Variants in NIBAN1 observed in about 807,000 individuals in gnomAD.
The protein encoded by NIBAN1 is niban apoptosis regulator 1.
In NIBAN1, 81 loss-of-function variants were observed where a neutral mutation model predicts 75.1. That is an observed-to-expected ratio of 1.08 (90% confidence interval 0.90 to 1.30). The LOEUF is 1.30. NIBAN1 is among the 50% of genes most tolerant of loss of function. NIBAN1 has a pLI of 0.00. For synonymous variants in NIBAN1, 436 were observed against 424.8 expected, an observed-to-expected ratio of 1.03 and a Z score of -0.32; for missense variants, 1,133 against 1,128.1, an observed-to-expected ratio of 1.00 and a Z score of -0.06.
At chr1:184,899,779 G>C (rs1407597608) in intron 1 of NIBAN1, among the ~76,000 whole-genome samples, 1 of 145,642 alleles carries the variant, frequency 6.9e-6, no homozygotes, top group Non-Finnish European at 1.5e-5. Context: ...CCAGGTCTAT[G>C]CCTTCAATTC....
chr1:184,817,878 A>G (rs761706589), intron 9 of NIBAN1, among the ~76,000 whole-genome samples: 17 of 152,288 alleles, frequency 1.1e-4, no homozygotes, highest in Non-Finnish European at 2.2e-4. Flanking sequence ...CCCAGCGGCC[A>G]TACTTCAACC....
At chr1:184,935,985 C>T (rs1306799260) in intron 1 of NIBAN1, among the ~76,000 whole-genome samples, 1 of 142,566 alleles carries the variant, frequency 7.0e-6, no homozygotes, top group Non-Finnish European at 1.5e-5. Context: ...TGACGAACCA[C>T]AGCTATATCT....
intron 1 of NIBAN1, among the ~76,000 whole-genome samples, chr1:184,912,364 C>T (rs533833771): frequency 5.8e-4 from 89 of 152,232 alleles, no homozygotes; most frequent in African/African-American, 1.9e-3. Context: ...TTCTCTACTG[C>T]GTGTGTTAAG....
rs191144309 is a variant in NIBAN1 at position 184,961,158 on chromosome 1, T to C, written c.55+13144A>G. Reference sequence around the variant, plus strand: ...ATCTCGGCTCACTGCAAGCTCCGCCTCCTGGGTTCACGCCATTCTCCTGCT... The same window carrying C: ...ATCTCGGCTCACTGCAAGCTCCGCCCCCTGGGTTCACGCCATTCTCCTGCT... On this transcript the variant is annotated intron_variant, in intron 1 of 13. Transcript: ENST00000367511. Among the ~76,000 whole-genome samples, 14 of 134,074 alleles carry C rather than the reference T, an allele frequency of 1.0e-4. No homozygotes were observed. The East Asian group carries it at 3.6e-3, about 35-fold the overall frequency. The allele number at this position is 134,074 out of a possible 152,430, so 88.0% of individuals were successfully genotyped here.
chr1:184,843,608 C>A (rs1655355819), intron 5 of NIBAN1, among the ~76,000 whole-genome samples: 1 of 152,194 alleles, frequency 6.6e-6, no homozygotes. Flanking sequence ...GCCAAGAGAA[C>A]AATGACACAA....
chr1:184,961,285 G>A (rs1003253182), intron 1 of NIBAN1, among the ~76,000 whole-genome samples: 3 of 151,070 alleles, frequency 2.0e-5, no homozygotes, highest in Non-Finnish European at 4.4e-5. Flanking sequence ...TAGCCAGGAT[G>A]GTCTGGGTCT....
At chr1:184,808,850 G>T (rs919777806) in intron 9 of NIBAN1, among the ~76,000 whole-genome samples, 9 of 152,174 alleles carry the variant, frequency 5.9e-5, no homozygotes, top group African/African-American at 2.2e-4. Context: ...ACTCTAGTTT[G>T]CACTCAGTCA....
chr1:184,855,218 A>G (rs569393361), intron 5 of NIBAN1, among the ~76,000 whole-genome samples: 1 of 152,312 alleles, frequency 6.6e-6, no homozygotes, highest in African/African-American at 2.4e-5. Context: ...CATATAAAAT[A>G]TTCCAGACCA....
At chr1:184,823,069 G>C in intron 8 of NIBAN1, 98 bp downstream of exon 8, 1 of 1,403,716 alleles carries the variant, frequency 7.1e-7, no homozygotes, top group Admixed American at 2.0e-5. Flanking sequence ...AATTTCTTAA[G>C]TGTAATTATC....
In NIBAN1 at chr1:184,870,170, G is replaced by A. The variant is rs116469580; in HGVS notation, c.601+14463C>T. Among the ~76,000 whole-genome samples, 846 of 152,290 alleles carry A rather than the reference G, an allele frequency of 5.6e-3. 8 individuals are homozygous for A. The highest frequency in any genetic ancestry group is 0.017 in the Middle Eastern group (5 of 294). Reference sequence around the variant, plus strand: ...ACCAAGTCATTCAGAAGCAGTGGTTGATAGATTACAATATGCTAAAAGTTT... The same window carrying A: ...ACCAAGTCATTCAGAAGCAGTGGTTAATAGATTACAATATGCTAAAAGTTT... On this transcript the variant is annotated intron_variant, in intron 5 of 13. Transcript: ENST00000367511.
At position 184,794,730 on chromosome 1, in the gene NIBAN1, C is replaced by T. The variant is rs1161446393; in HGVS notation, c.*247G>A. 3.0e-5 allele frequency: 17 copies of T among 569,044 alleles called. No homozygotes were observed. The East Asian group carries it at 4.4e-4, about 15-fold the overall frequency. The allele number at this position is 569,044 out of a possible 1,614,324, so 35.2% of individuals were successfully genotyped here. ...CTCAGACATCCTCAGCTCCCTCTCA[C>T]CCCAAGTATGCCATTGTCTTTGTAA... is the stretch of plus-strand genomic sequence containing the variant. On this transcript the variant is annotated 3_prime_UTR_variant, in exon 14 of 14. Coordinates refer to ENST00000367511, the MANE Select transcript of NIBAN1 (RefSeq NM_052966.4).
At chr1:184,914,622 T>A (rs189320892) in intron 1 of NIBAN1, among the ~76,000 whole-genome samples, 272 of 152,306 alleles carry the variant, frequency 1.8e-3, no homozygotes, top group African/African-American at 6.3e-3. Context: ...CATGATGCTA[T>A]GGGATACATA....
At chr1:184,922,781 A>G (rs1657592429) in intron 1 of NIBAN1, among the ~76,000 whole-genome samples, 1 of 151,996 alleles carries the variant, frequency 6.6e-6, no homozygotes, top group Non-Finnish European at 1.5e-5. Flanking sequence ...TGATTTTTGT[A>G]TTTTTAGTAG....
intron 5 of NIBAN1, among the ~76,000 whole-genome samples, chr1:184,839,545 C>CTGTGTG (rs113049406): frequency 0.024 from 3,597 of 148,698 alleles, 60 homozygotes; most frequent in Non-Finnish European, 0.035. Context: ...ACATGCATTC[C>CTGTGTG]TGTGTGTGTG....
chr1:184,922,589 TG>T lies in NIBAN1; in HGVS notation c.56-23281del, dbSNP rs745972833. 7.9e-5 allele frequency among the ~76,000 whole-genome samples: 12 copies of T among 152,224 alleles called. No homozygotes were observed. In the East Asian group the frequency reaches 1.9e-3, roughly 24 times the overall value. On this transcript the variant is annotated intron_variant, in intron 1 of 13. Coordinates refer to ENST00000367511, the MANE Select transcript of NIBAN1 (RefSeq NM_052966.4). The stretch of plus-strand genomic sequence containing the variant: ...TTCAGATCTTTTGTCCCTTTTGTTT[TG>T]TTTTTTTGTTTTTGTTTGTTTGTTT...
intron 11 of NIBAN1, 67 bp from the exon 12 acceptor site, chr1:184,803,759 A>G: frequency 7.1e-7 from 1 of 1,407,934 alleles, no homozygotes; most frequent in Non-Finnish European, 1.0e-6. Context: ...TACTCAAAAA[A>G]CTCAGCCACC....
At chr1:184,941,604 C>T (rs1392048639) in intron 1 of NIBAN1, among the ~76,000 whole-genome samples, 1 of 149,604 alleles carries the variant, frequency 6.7e-6, no homozygotes, top group Non-Finnish European at 1.5e-5. Flanking sequence ...TAGCTAAGAT[C>T]GCACCACTGC....
chr1:184,944,377 C>T (rs1658172107), intron 1 of NIBAN1, among the ~76,000 whole-genome samples: 2 of 152,206 alleles, frequency 1.3e-5, no homozygotes, highest in Admixed American at 1.3e-4. Flanking sequence ...TAAGAAGTCA[C>T]AAGCTGAAGA....
chr1:184,806,072 G>A lies in NIBAN1; in HGVS notation c.1336-16C>T, dbSNP rs1416593793. The A allele has an allele frequency of 5.6e-6, 9 of 1,605,054 alleles. No homozygotes were observed. The highest frequency in any genetic ancestry group is 1.7e-5 in the Admixed American group (1 of 59,986). On this transcript the variant is annotated splice_polypyrimidine_tract_variant and intron_variant, in intron 10 of 13. Transcript: ENST00000367511. ...TCTCCATTAGCTAGAAACCAGAAGC[G>A]ACACAGAAACAGACAACAGTCAGGG...
Sources: gnomAD v4.1 joint callset for allele counts (sites outside exome capture counted in the v4.1 genomes callset) on GRCh38, gnomAD v4.1.1 for gene constraint, MANE v1.5 for transcripts, NCBI Gene and HGNC (gene_info 2026-07-23, HGNC 2026-07-21) for gene names.